The following AGBL4 variants were observed in gnomAD, a reference collection of about 807,000 sequenced individuals.
AGBL4 encodes cytosolic carboxypeptidase 6.
AGBL4 carries 58 observed loss-of-function variants against 66.4 expected under a neutral mutation model. The ratio of observed to expected loss-of-function variants is 0.87; its 90% confidence interval spans 0.71 to 1.09. The LOEUF (loss-of-function observed/expected upper bound fraction) is 1.09. Among genes scored for constraint, AGBL4 ranks in the 50% least tolerant of loss-of-function variants. The pLI is 0.00. For missense variants in AGBL4, 579 were observed against 631.0 expected, an observed-to-expected ratio of 0.92 and a Z score of 0.88; for synonymous variants, 234 against 222.9, an observed-to-expected ratio of 1.05 and a Z score of -0.44.
intron 1 of AGBL4, among the ~76,000 whole-genome samples, chr1:49,947,003 C>T (rs1655267720): frequency 6.6e-6 from 1 of 151,682 alleles, no homozygotes; most frequent in African/African-American, 2.4e-5. Context: ...TAGCTTAAAT[C>T]ACGAAGAATT....
At chr1:48,806,512 C>A (rs1645927434) in intron 6 of AGBL4, among the ~76,000 whole-genome samples, 2 of 152,224 alleles carry the variant, frequency 1.3e-5, no homozygotes, top group African/African-American at 2.4e-5. Flanking sequence ...TGCATTGTTT[C>A]TTCTGCCCTC....
chr1:49,434,684 GTGGTGGTGGTGGTGGTGGTGGTGC>G (rs1413414551), intron 3 of AGBL4, among the ~76,000 whole-genome samples: 3 of 149,432 alleles, frequency 2.0e-5, no homozygotes, highest in African/African-American at 7.5e-5. Context: ...AGTGGTGGTA[GTGGTGGTGGTGGTGGTGGTGGTGC>G]TGGTGGTGGT....
chr1:48,949,274 T>C (rs1656770457), intron 5 of AGBL4, among the ~76,000 whole-genome samples: 1 of 152,204 alleles, frequency 6.6e-6, no homozygotes, highest in Non-Finnish European at 1.5e-5. Flanking sequence ...TTCTGACTCC[T>C]GCCTGAGAAA....
intron 2 of AGBL4, among the ~76,000 whole-genome samples, chr1:49,743,369 G>C (rs1399169455): frequency 6.6e-6 from 1 of 152,164 alleles, no homozygotes; most frequent in Non-Finnish European, 1.5e-5. Flanking sequence ...TCTCACACCA[G>C]TTAGAATGGC....
intron 4 of AGBL4, among the ~76,000 whole-genome samples, chr1:49,227,333 G>A (rs915810400): frequency 2.0e-5 from 3 of 152,054 alleles, no homozygotes; most frequent in Non-Finnish European, 4.4e-5. Flanking sequence ...TGAACAAAAC[G>A]ATTTCTTCCT....
chr1:49,135,203 T>A (rs1409834822), intron 4 of AGBL4, among the ~76,000 whole-genome samples: 1 of 152,146 alleles, frequency 6.6e-6, no homozygotes, highest in Non-Finnish European at 1.5e-5. Flanking sequence ...GAAATATTTG[T>A]TGTCATTAAA....
At chr1:49,903,618 G>A (rs1429356870) in intron 1 of AGBL4, among the ~76,000 whole-genome samples, 1 of 152,054 alleles carries the variant, frequency 6.6e-6, no homozygotes, top group Non-Finnish European at 1.5e-5. Context: ...CTATCCCATA[G>A]ATTTCTATAA....
chr1:49,488,454 C>A (rs767680508), intron 3 of AGBL4, among the ~76,000 whole-genome samples: 1 of 151,258 alleles, frequency 6.6e-6, no homozygotes, highest in South Asian at 2.1e-4. Flanking sequence ...GATAATGAGA[C>A]ATTTTGATGT....
At chr1:48,986,277 C>A (rs766513938) in intron 5 of AGBL4, among the ~76,000 whole-genome samples, 1 of 151,840 alleles carries the variant, frequency 6.6e-6, no homozygotes, top group African/African-American at 2.4e-5. Flanking sequence ...AATTTTTCCA[C>A]GTTTGATGAA....
At chr1:48,626,041 A>G (rs6686565) in intron 9 of AGBL4, among the ~76,000 whole-genome samples, 5,903 of 152,288 alleles carry the variant, frequency 0.039, 384 homozygotes, top group African/African-American at 0.13. Context: ...CCCCCTGTAC[A>G]ATATCACATT....
chr1:49,727,932 G>A (rs1649154796), intron 2 of AGBL4, among the ~76,000 whole-genome samples: 1 of 151,942 alleles, frequency 6.6e-6, no homozygotes, highest in South Asian at 2.1e-4. Context: ...TCCATTTTGA[G>A]GTTCAATGAG....
intron 1 of AGBL4, among the ~76,000 whole-genome samples, chr1:49,882,850 T>C (rs1365595205): frequency 6.6e-6 from 1 of 152,178 alleles, no homozygotes; most frequent in Non-Finnish European, 1.5e-5. Flanking sequence ...GTTTTAATAA[T>C]GATGCAAGAG....
intron 1 of AGBL4, among the ~76,000 whole-genome samples, chr1:49,888,150 G>C (rs1169629374): frequency 6.6e-6 from 1 of 152,082 alleles, no homozygotes; most frequent in African/African-American, 2.4e-5. Context: ...ATCATGCACA[G>C]ATCTTGCATT....
intron 1 of AGBL4, among the ~76,000 whole-genome samples, chr1:49,982,798 T>A (rs981622521): frequency 6.6e-5 from 10 of 152,126 alleles, no homozygotes; most frequent in Admixed American, 6.5e-5. Context: ...GGGTCTCCTC[T>A]CTGCTGAGAG....
chr1:49,477,934 A>G (rs1405580645), intron 3 of AGBL4, among the ~76,000 whole-genome samples: 1 of 151,724 alleles, frequency 6.6e-6, no homozygotes, highest in Non-Finnish European at 1.5e-5. Flanking sequence ...TGAAGAACAC[A>G]TCAGTCTTTT....
chr1:49,573,844 G>C (rs1380093905), intron 3 of AGBL4, among the ~76,000 whole-genome samples: 2 of 152,156 alleles, frequency 1.3e-5, no homozygotes, highest in African/African-American at 2.4e-5. Flanking sequence ...TGATGAAGCT[G>C]GGGACACTGA....
intron 3 of AGBL4, among the ~76,000 whole-genome samples, chr1:49,476,234 A>C (rs555722351): frequency 6.6e-6 from 1 of 151,964 alleles, no homozygotes; most frequent in African/African-American, 2.4e-5. Context: ...AATTTAAGAG[A>C]TCTTCTTGGT....
Position 48,568,291 on chromosome 1 carries a change from T to TTCTCTC in AGBL4, c.1267+18707_1267+18712dup, listed in dbSNP as rs151060894. Among the ~76,000 whole-genome samples, 11 of 148,332 alleles carry TTCTCTC rather than the reference T, an allele frequency of 7.4e-5. No homozygotes were observed. The East Asian group carries it at 1.2e-3, about 16-fold the overall frequency. ...TCATCTATTTTTTTAAACAACACTC[T>TTCTCTC]TCTCTCTCTCTCTCTCTCTCTCTCA... On this transcript the variant is annotated intron_variant, in intron 11 of 13. Transcript: ENST00000371839.
At position 49,089,442 on chromosome 1, in the gene AGBL4, C is replaced by G. The variant is rs537264070; in HGVS notation, c.378-43642G>C. Among the ~76,000 whole-genome samples, 3 of 152,062 alleles carry G rather than the reference C, an allele frequency of 2.0e-5. No individual in the cohort carries two copies. The South Asian group carries it at 6.2e-4, about 32-fold the overall frequency. On this transcript the variant is annotated intron_variant, in intron 4 of 13. Coordinates refer to ENST00000371839, the MANE Select transcript of AGBL4 (RefSeq NM_032785.4). ...CATTACCACTGACCTTACAGAAATA[C>G]AAAAAACCTCAGAAACTACTATGAA...
Sources: allele counts gnomAD v4.1 joint callset (sites outside exome capture counted in the v4.1 genomes callset), GRCh38; gene constraint gnomAD v4.1.1; transcripts MANE v1.5; gene names NCBI Gene and HGNC (gene_info 2026-07-23, HGNC 2026-07-21).